Variants in FSTL5 observed in about 807,000 individuals in gnomAD.
FSTL5 encodes the protein follistatin-related protein 5.
A neutral mutation model predicts 89.1 loss-of-function variants in FSTL5; 62 were observed. The ratio of observed to expected loss-of-function variants is 0.70; its 90% CI spans 0.57 to 0.86. The LOEUF (loss-of-function observed/expected upper bound fraction) is 0.86, where lower values mean the gene tolerates loss of function less well. Ranked by LOEUF, FSTL5 falls within the 40% of genes least tolerant of loss-of-function variation. The pLI is 0.00. For missense variants in FSTL5, 1,057 were observed against 1,001.6 expected (o/e 1.06, Z -0.75); for synonymous variants, 383 against 346.2 (o/e 1.11, Z -1.18).
intron 15 of FSTL5, among the ~76,000 whole-genome samples, chr4:161,434,688 A>G (rs992199750): frequency 6.6e-6 from 1 of 151,720 alleles, no homozygotes; most frequent in African/African-American, 2.4e-5. Flanking sequence ...GTGGTTAATA[A>G]CTAGGATATA....
At chr4:161,831,288 T>C (rs1730836502) in intron 4 of FSTL5, among the ~76,000 whole-genome samples, 2 of 151,948 alleles carry the variant, frequency 1.3e-5, no homozygotes, top group African/African-American at 4.8e-5. Flanking sequence ...CTCCAATTAA[T>C]AGATATAATA....
intron 3 of FSTL5, among the ~76,000 whole-genome samples, chr4:161,964,134 T>C (rs942852207): frequency 2.6e-5 from 4 of 152,018 alleles, no homozygotes; most frequent in Admixed American, 2.0e-4. Flanking sequence ...GATCCTGAAA[T>C]ATGACGGATA....
intron 3 of FSTL5, among the ~76,000 whole-genome samples, chr4:161,932,543 A>T (rs1470245676): frequency 6.6e-6 from 1 of 151,650 alleles, no homozygotes. Context: ...ACATATATGT[A>T]AATATATGTA....
chr4:161,825,405 T>C (rs141907702), intron 4 of FSTL5, among the ~76,000 whole-genome samples: 206 of 152,328 alleles, frequency 1.4e-3, no homozygotes, highest in African/African-American at 4.7e-3. Flanking sequence ...ACTGGTTTCA[T>C]AGAATGATTT....
intron 2 of FSTL5, among the ~76,000 whole-genome samples, chr4:162,080,569 T>C (rs757291860): frequency 4.6e-5 from 7 of 151,698 alleles, no homozygotes; most frequent in Non-Finnish European, 1.0e-4. Flanking sequence ...TTTATACATA[T>C]ACCATAGATT....
chr4:161,743,781 C>G (rs1417741725), intron 6 of FSTL5, among the ~76,000 whole-genome samples: 13 of 152,038 alleles, frequency 8.6e-5, no homozygotes, highest in Non-Finnish European at 7.4e-5. Context: ...TATGAATATA[C>G]TTTGGTTATA....
At chr4:161,739,738 T>C (rs992328112) in intron 6 of FSTL5, among the ~76,000 whole-genome samples, 1 of 151,994 alleles carries the variant, frequency 6.6e-6, no homozygotes, top group Non-Finnish European at 1.5e-5. Context: ...AGGGGAGGAA[T>C]GGCAGTAGAA....
chr4:161,974,494 A>G (rs1436556594), intron 3 of FSTL5, among the ~76,000 whole-genome samples: 9 of 134,080 alleles, frequency 6.7e-5, no homozygotes, highest in African/African-American at 2.6e-4. Flanking sequence ...AAAAACAAGC[A>G]ATGGGGAAAG....
At chr4:161,564,032 T>G (rs982213054) in intron 8 of FSTL5, among the ~76,000 whole-genome samples, 9 of 151,894 alleles carry the variant, frequency 5.9e-5, no homozygotes, top group Admixed American at 1.3e-4. Context: ...ACTATGCCCC[T>G]CATCCACATT....
chr4:162,098,728 A>T (rs2111376527), intron 2 of FSTL5, among the ~76,000 whole-genome samples: 1 of 152,206 alleles, frequency 6.6e-6, no homozygotes, highest in African/African-American at 2.4e-5. Flanking sequence ...GAATAGACAA[A>T]CATATCAATA....
intron 4 of FSTL5, among the ~76,000 whole-genome samples, chr4:161,838,630 A>C (rs1255132445): frequency 6.6e-6 from 1 of 152,130 alleles, no homozygotes; most frequent in African/African-American, 2.4e-5. Context: ...AGAAAAGAGG[A>C]TCAAAGGTTG....
intron 1 of FSTL5, among the ~76,000 whole-genome samples, chr4:162,132,463 A>C (rs1390447306): frequency 1.3e-5 from 2 of 152,124 alleles, no homozygotes; most frequent in African/African-American, 4.8e-5. Context: ...AACTCCGAAC[A>C]CATCGGAACA....
intron 15 of FSTL5, among the ~76,000 whole-genome samples, chr4:161,405,500 A>C (rs140545500): frequency 6.6e-6 from 1 of 152,264 alleles, no homozygotes; most frequent in African/African-American, 2.4e-5. Context: ...GAGGTAAATG[A>C]AATTACTCTG....
At chr4:162,080,806 GCAGTAGATTAAATA>G (rs1730062429) in intron 2 of FSTL5, among the ~76,000 whole-genome samples, 1 of 151,542 alleles carries the variant, frequency 6.6e-6, no homozygotes, top group African/African-American at 2.4e-5. Context: ...AACAAACTAT[GCAGTAGATTAAATA>G]CAGGTGCTTC....
intron 3 of FSTL5, among the ~76,000 whole-genome samples, chr4:161,968,604 G>C (rs773994494): frequency 1.8e-4 from 27 of 151,900 alleles, no homozygotes; most frequent in Non-Finnish European, 7.4e-5. Flanking sequence ...GTAACCTGGA[G>C]GTTAGAAGGG....
intron 7 of FSTL5, among the ~76,000 whole-genome samples, chr4:161,624,347 G>GT (rs1436262347): frequency 2.4e-4 from 37 of 151,848 alleles, no homozygotes; most frequent in African/African-American, 8.9e-4. Context: ...GTCCCTTTAC[G>GT]TATGTATCCA....
chr4:161,614,554 T>A (rs2126638797), intron 7 of FSTL5, among the ~76,000 whole-genome samples: 1 of 152,276 alleles, frequency 6.6e-6, no homozygotes, highest in South Asian at 2.1e-4. Context: ...TACAGTGTAC[T>A]CACTGTGTAT....
At chr4:162,097,859 G>C (rs919205516) in intron 2 of FSTL5, among the ~76,000 whole-genome samples, 4 of 151,902 alleles carry the variant, frequency 2.6e-5, no homozygotes, top group Non-Finnish European at 5.9e-5. Flanking sequence ...TTCATACATT[G>C]CTGTTGGGAA....
chr4:162,116,574 GGCTGGAGGTT>G (rs1731648905), intron 1 of FSTL5, among the ~76,000 whole-genome samples: 1 of 152,134 alleles, frequency 6.6e-6, no homozygotes, highest in Non-Finnish European at 1.5e-5. Context: ...GGTGCTAATT[GGCTGGAGGTT>G]GGGGAGGCTA....
Sources: gnomAD v4.1 joint callset for allele counts (sites outside exome capture counted in the v4.1 genomes callset) on GRCh38, gnomAD v4.1.1 for gene constraint, MANE v1.5 for transcripts, NCBI Gene and HGNC (gene_info 2026-07-23, HGNC 2026-07-21) for gene names.